The following DLGAP2 variants were observed in gnomAD, a reference collection of about 807,000 sequenced individuals.
DLGAP2 encodes disks large-associated protein 2.
DLGAP2 carries 26 observed loss-of-function variants against 100.3 expected under a neutral mutation model. The observed-to-expected ratio is 0.26, with a 90% CI of 0.19 to 0.36. The LOEUF is 0.36. DLGAP2 is among the 10% of genes least tolerant of loss of function. The pLI, the probability that DLGAP2 is intolerant of heterozygous loss-of-function variation, is 1.00. For missense variants in DLGAP2, 1,858 were observed against 1,453.2 expected, an observed-to-expected ratio of 1.28 and a Z score of -4.53; for synonymous variants, 886 against 630.1, an observed-to-expected ratio of 1.41 and a Z score of -6.08.
intron 8 of DLGAP2, among the ~76,000 whole-genome samples, chr8:1,647,353 G>C (rs1204021483): frequency 6.6e-6 from 1 of 151,718 alleles, no homozygotes; most frequent in African/African-American, 2.4e-5. Flanking sequence ...GCCAGGCGTC[G>C]TGGTGGGTGC....
intron 2 of DLGAP2, among the ~76,000 whole-genome samples, chr8:1,040,214 G>GGTTCCGTGGTCAGCTCGT (rs1802292143): frequency 6.8e-6 from 1 of 147,570 alleles, no homozygotes; most frequent in Non-Finnish European, 1.5e-5. Flanking sequence ...GGTCAGCTCG[G>GGTTCCGTGGTCAGCTCGT]TGTGCATGGT....
At chr8:919,712 C>A (rs1296079323) in intron 2 of DLGAP2, among the ~76,000 whole-genome samples, 1 of 152,060 alleles carries the variant, frequency 6.6e-6, no homozygotes, top group Non-Finnish European at 1.5e-5. Flanking sequence ...AAAGACCAGC[C>A]TGCATGGGGT....
At chr8:1,615,143 C>G (rs1181423831) in intron 6 of DLGAP2, among the ~76,000 whole-genome samples, 2 of 152,196 alleles carry the variant, frequency 1.3e-5, no homozygotes, top group African/African-American at 4.8e-5. Context: ...ACCCCAAAGT[C>G]TATTAACATT....
chr8:1,062,626 T>C lies in DLGAP2; in HGVS notation c.73+154660T>C, dbSNP rs186900772. Among the ~76,000 whole-genome samples the C allele has an allele frequency of 8.6e-4, 131 of 152,310 alleles. No individual in the cohort carries two copies. The Middle Eastern group carries it at 0.017, about 20-fold the overall frequency. On this transcript the variant is annotated intron_variant, in intron 2 of 14. Coordinates refer to ENST00000637795, the MANE Select transcript of DLGAP2 (RefSeq NM_001346810.2). ...CAATAGCCGCTTTCCCTCGATACTT[T>C]GCAGCATGTTTTTCCCTTGCCCTCC...
At chr8:1,184,766 T>C (rs1797463501) in intron 2 of DLGAP2, among the ~76,000 whole-genome samples, 1 of 152,052 alleles carries the variant, frequency 6.6e-6, no homozygotes, top group African/African-American at 2.4e-5. Context: ...AGCATGCTGG[T>C]GACGATGACT....
At position 1,458,863 on chromosome 8, in the gene DLGAP2, A is replaced by G. The variant is rs528726222; in HGVS notation, c.107-42503A>G. Among the ~76,000 whole-genome samples the G allele has an allele frequency of 3.3e-5, 5 of 152,326 alleles. No individual in the cohort carries two copies. In the South Asian group the frequency reaches 1.0e-3, roughly 32 times the overall value. On this transcript the variant is annotated intron_variant, in intron 3 of 14. Coordinates refer to ENST00000637795, the MANE Select transcript of DLGAP2 (RefSeq NM_001346810.2). ...ACAGAGAGCAGGGTCGGGCGTCCCC[A>G]TGATATGGGGCTCTGTAGGCTGTGC...
chr8:990,352 C>T (rs1268468751), intron 2 of DLGAP2, among the ~76,000 whole-genome samples: 15 of 137,670 alleles, frequency 1.1e-4, no homozygotes, highest in African/African-American at 3.7e-4. Flanking sequence ...TTCTTCTCTC[C>T]CTCCTTGCCC....
intron 6 of DLGAP2, among the ~76,000 whole-genome samples, chr8:1,595,121 G>T (rs761331354): frequency 2.0e-5 from 3 of 151,826 alleles, no homozygotes; most frequent in Non-Finnish European, 2.9e-5. Context: ...GCCCACTGCA[G>T]CCTCAACCTC....
intron 3 of DLGAP2, among the ~76,000 whole-genome samples, chr8:1,486,661 C>G (rs552574264): frequency 3.5e-4 from 53 of 152,364 alleles, no homozygotes; most frequent in African/African-American, 1.3e-3. Flanking sequence ...TCCTCTTGCT[C>G]TTCCAACTCT....
At chr8:1,250,643 T>C (rs974501820) in intron 2 of DLGAP2, 4 of 152,180 alleles carry the variant, frequency 2.6e-5, no homozygotes, top group African/African-American at 4.8e-5. Flanking sequence ...TCTGTGCATC[T>C]GACTTTCACG....
chr8:1,365,159 C>T (rs953307304), intron 3 of DLGAP2, among the ~76,000 whole-genome samples: 2 of 152,150 alleles, frequency 1.3e-5, no homozygotes, highest in East Asian at 1.9e-4. Flanking sequence ...ATCTGTGGTT[C>T]GGGGCATTTG....
At chr8:1,187,850 C>G (rs558998271) in intron 2 of DLGAP2, among the ~76,000 whole-genome samples, 3 of 121,380 alleles carry the variant, frequency 2.5e-5, no homozygotes, top group East Asian at 4.8e-4. Flanking sequence ...CGGAATCTCA[C>G]ACACCCGGGA....
At chr8:1,584,911 CA>C (rs1796070033) in intron 6 of DLGAP2, among the ~76,000 whole-genome samples, 1 of 152,116 alleles carries the variant, frequency 6.6e-6, no homozygotes, top group Admixed American at 6.5e-5. Context: ...TCTTCTTGTG[CA>C]TACCAACTCT....
chr8:1,433,686 C>G (rs1797525793), intron 3 of DLGAP2, among the ~76,000 whole-genome samples: 1 of 150,078 alleles, frequency 6.7e-6, no homozygotes, highest in Non-Finnish European at 1.5e-5. Context: ...TGGTTAGGTG[C>G]CTGGAGTTTT....
At chr8:1,084,258 T>C (rs1227899016) in intron 2 of DLGAP2, among the ~76,000 whole-genome samples, 1 of 152,238 alleles carries the variant, frequency 6.6e-6, no homozygotes, top group Non-Finnish European at 1.5e-5. Context: ...GTATTTATCA[T>C]GTTATATTGA....
chr8:1,207,976 A>C (rs1585153394), intron 2 of DLGAP2, among the ~76,000 whole-genome samples: 1 of 151,836 alleles, frequency 6.6e-6, no homozygotes, highest in South Asian at 2.1e-4. Flanking sequence ...GTCCTTTGTC[A>C]CATGCATAGT....
chr8:1,548,521 A>G lies in DLGAP2; in HGVS notation c.173-105A>G, dbSNP rs1345064011. The stretch of plus-strand genomic sequence containing the variant: ...GCCCTCTCGAGTGCCCAGGCCAGAC[A>G]TGGACACTGATTAATGAAGTCCACG... On this transcript the variant is annotated intron_variant, in intron 4 of 14. Transcript: ENST00000637795. The G allele has an allele frequency of 5.1e-6, 5 of 981,348 alleles. No individual in the cohort carries two copies. In the East Asian group the frequency reaches 8.9e-5, roughly 18 times the overall value. 60.8% of individuals were successfully genotyped at this position (981,348 alleles called of 1,614,324 possible).
At chr8:840,382 A>C (rs1309768967) in intron 1 of DLGAP2, among the ~76,000 whole-genome samples, 1 of 125,058 alleles carries the variant, frequency 8.0e-6, no homozygotes, top group Non-Finnish European at 1.7e-5. Flanking sequence ...ACGTTTCCCT[A>C]CACTCTGGAT....
At chr8:931,035 C>T (rs568435024) in intron 2 of DLGAP2, among the ~76,000 whole-genome samples, 38 of 151,786 alleles carry the variant, frequency 2.5e-4, no homozygotes, top group South Asian at 2.1e-4. Context: ...GAATTGTCTT[C>T]GTCAAATGAT....
Sources: allele counts gnomAD v4.1 joint callset (sites outside exome capture counted in the v4.1 genomes callset), GRCh38; gene constraint gnomAD v4.1.1; transcripts MANE v1.5; gene names NCBI Gene and HGNC (gene_info 2026-07-23, HGNC 2026-07-21).